The following TTC23L variants were observed in gnomAD, a reference collection of about 807,000 sequenced individuals.
The protein encoded by TTC23L is tetratricopeptide repeat domain 23 like.
Under a neutral mutation model 48.1 loss-of-function variants are expected in TTC23L, and 42 were observed. The ratio of observed to expected loss-of-function variants is 0.87; its 90% CI spans 0.68 to 1.13. The LOEUF (loss-of-function observed/expected upper bound fraction) is 1.13. TTC23L is among the 50% of genes most tolerant of loss of function. The pLI is 0.00. For missense variants in TTC23L, 391 were observed against 421.0 expected, an observed-to-expected ratio of 0.93 and a Z score of 0.62; for synonymous variants, 159 against 157.2, an observed-to-expected ratio of 1.01 and a Z score of -0.09.
intron 10 of TTC23L, among the ~76,000 whole-genome samples, chr5:34,898,235 G>A (rs376685285): frequency 7.5e-4 from 114 of 152,260 alleles, no homozygotes; most frequent in African/African-American, 2.4e-3. Flanking sequence ...ACTGTTGCAC[G>A]AAGCAAACGG....
the TTC23L span, among the ~76,000 whole-genome samples, chr5:34,913,039 CTT>C: frequency 6.6e-6 from 1 of 152,096 alleles, no homozygotes; most frequent in Admixed American, 6.6e-5. Context: ...ATAGACATAA[CTT>C]ATAAAATATG....
the TTC23L span, chr5:34,918,223 A>T: frequency 2.8e-5 from 14 of 502,616 alleles, no homozygotes; most frequent in Non-Finnish European, 4.0e-5. Context: ...GGGTGGGAGG[A>T]TCACTTACTT....
the TTC23L span, chr5:34,923,436 C>T: frequency 1.8e-6 from 1 of 566,640 alleles, no homozygotes; most frequent in Non-Finnish European, 3.1e-6. Context: ...CATCATCACG[C>T]CTGGCTAATT....
rs185627068 is a variant in TTC23L, at chr5:34,862,922, A to G, written c.404A>G (p.His135Arg). 7.6e-5 allele frequency: 123 copies of G among 1,613,992 alleles called. 1 individual carries two copies. In the East Asian group the frequency reaches 7.8e-4, roughly 10 times the overall value. The change falls in exon 5 of 11, where the codon CAT becomes CGT. Residue 135 changes from histidine to arginine, a missense_variant. By Grantham distance (29) the His-to-Arg change is conservative. Transcript: ENST00000505624. ...GGCCTCCCAGTTCAGGCCAAGAAACATGCTACATCAGCCAAGAATACACTG... is the reference window on the plus strand; with the variant it reads ...GGCCTCCCAGTTCAGGCCAAGAAACGTGCTACATCAGCCAAGAATACACTG...
At chr5:34,881,477 C>G (rs1762218262) in intron 9 of TTC23L, among the ~76,000 whole-genome samples, 1 of 152,144 alleles carries the variant, frequency 6.6e-6, no homozygotes, top group Non-Finnish European at 1.5e-5. Flanking sequence ...TTTGATCTGA[C>G]CAAGCCAACT....
At position 34,868,709 on chromosome 5, in the gene TTC23L, A is replaced by G. The variant is rs1761233322; in HGVS notation, c.841-196A>G. ...GAGCACCGTGCCCTGTGCTTTGCAT[A>G]TACCATCTCACTTAATCCTTCCCAA... is the stretch of plus-strand genomic sequence containing the variant. On this transcript the variant is annotated intron_variant, in intron 7 of 10. Coordinates refer to ENST00000505624, the Ensembl canonical transcript of TTC23L. 4 of 531,228 alleles carry G rather than the reference A, an allele frequency of 7.5e-6. No individual in the cohort carries two copies. In the South Asian group the frequency reaches 7.9e-5, roughly 11 times the overall value. 32.9% of individuals were successfully genotyped at this position (531,228 alleles called of 1,614,324 possible).
At chr5:34,922,698 A>G in the TTC23L span, 3 of 1,613,776 alleles carry the variant, frequency 1.9e-6, no homozygotes, top group South Asian at 2.2e-5. Context: ...TTTCTAGTTC[A>G]TACCCTCGCT....
the TTC23L span, among the ~76,000 whole-genome samples, chr5:34,912,790 A>C: frequency 5.9e-5 from 9 of 152,306 alleles, no homozygotes; most frequent in African/African-American, 2.2e-4. Flanking sequence ...ACCTGAGGTC[A>C]GGAGTTTGAG....
chr5:34,876,220 GAA>G (rs1258574581), intron 8 of TTC23L, among the ~76,000 whole-genome samples: 1 of 151,916 alleles, frequency 6.6e-6, no homozygotes, highest in African/African-American at 2.4e-5. Context: ...GCTAGAAAAA[GAA>G]GAGCAAATTA....
intron 9 of TTC23L, among the ~76,000 whole-genome samples, chr5:34,885,928 T>C (rs1762515152): frequency 6.6e-6 from 1 of 151,986 alleles, no homozygotes; most frequent in Non-Finnish European, 1.5e-5. Flanking sequence ...AGGCGAAAAT[T>C]GTATGGGTAT....
downstream of TTC23L, among the ~76,000 whole-genome samples, chr5:34,902,570 TA>T (rs2111907798): frequency 6.6e-6 from 1 of 152,320 alleles, no homozygotes; most frequent in Admixed American, 6.5e-5. Context: ...GTTCAGCCTG[TA>T]AAATCTAAGA....
intron 3 of TTC23L, among the ~76,000 whole-genome samples, chr5:34,848,104 G>T (rs1375066066): frequency 6.6e-6 from 1 of 152,062 alleles, no homozygotes; most frequent in Non-Finnish European, 1.5e-5. Flanking sequence ...GATCAAAGTG[G>T]CCTGCCCCAA....
chr5:34,918,646 C>T, the TTC23L span: 1 of 496,004 alleles, frequency 2.0e-6, no homozygotes, highest in South Asian at 3.6e-5. Flanking sequence ...GTAAGAAATT[C>T]TTTAGATTTC....
chr5:34,913,307 A>C, the TTC23L span, among the ~76,000 whole-genome samples: 8 of 152,216 alleles, frequency 5.3e-5, no homozygotes, highest in African/African-American at 1.9e-4. Flanking sequence ...TTATAAACAC[A>C]CTTGCAATTA....
intron 4 of TTC23L, among the ~76,000 whole-genome samples, chr5:34,856,369 C>G (rs1232522758): frequency 6.6e-6 from 1 of 152,120 alleles, no homozygotes; most frequent in Admixed American, 6.5e-5. Context: ...GCAAATAATC[C>G]AAAAACCTCC....
At chr5:34,914,800 C>T in the TTC23L span, 2 of 1,614,224 alleles carry the variant, frequency 1.2e-6, no homozygotes, top group Non-Finnish European at 1.7e-6. Context: ...GAATAGCTTT[C>T]AAGATAGTGG....
At chr5:34,905,592 T>C in the TTC23L span, 1 of 150,890 alleles carries the variant, frequency 6.6e-6, no homozygotes, top group East Asian at 2.0e-4. Context: ...AAATGAAAAA[T>C]GAAAAAAAAG....
At chr5:34,922,528 A>C in the TTC23L span, 1 of 1,586,050 alleles carries the variant, frequency 6.3e-7, no homozygotes, top group Non-Finnish European at 8.7e-7. Flanking sequence ...AGCTTACTCC[A>C]TATCTTTCAG....
chr5:34,852,248 A>G (rs1032463089), intron 4 of TTC23L, among the ~76,000 whole-genome samples: 1 of 152,084 alleles, frequency 6.6e-6, no homozygotes, highest in Non-Finnish European at 1.5e-5. Flanking sequence ...ATGTTGATCT[A>G]AGGCATAGGA....
Sources: allele counts gnomAD v4.1 joint callset (sites outside exome capture counted in the v4.1 genomes callset), GRCh38; gene constraint gnomAD v4.1.1; transcripts MANE v1.5; gene names NCBI Gene and HGNC (gene_info 2026-07-23, HGNC 2026-07-21).